The following NUMB variants were observed in gnomAD, a reference collection of about 807,000 sequenced individuals.
NUMB encodes the protein protein numb homolog.
NUMB carries 29 observed loss-of-function variants against 59.7 expected under a neutral mutation model. That is an observed-to-expected ratio of 0.49 (90% CI 0.36 to 0.66). The LOEUF (loss-of-function observed/expected upper bound fraction) is 0.66, where lower values mean the gene tolerates loss of function less well. NUMB is among the 30% of genes least tolerant of loss of function. NUMB has a pLI of 0.00. For synonymous variants in NUMB, 288 were observed against 288.2 expected, an observed-to-expected ratio of 1.00 and a Z score of 0.01; for missense variants, 723 against 822.0, an observed-to-expected ratio of 0.88 and a Z score of 1.47.
At chr14:73,345,676 C>T (rs1486051852) in intron 4 of NUMB, among the ~76,000 whole-genome samples, 1 of 151,696 alleles carries the variant, frequency 6.6e-6, no homozygotes, top group East Asian at 1.9e-4. Flanking sequence ...TTTGGGAGGC[C>T]GAGGGTGGAT....
intron 6 of NUMB, among the ~76,000 whole-genome samples, chr14:73,308,834 G>C (rs1890606851): frequency 6.6e-6 from 1 of 152,182 alleles, no homozygotes; most frequent in Non-Finnish European, 1.5e-5. Context: ...TGAGAGATGG[G>C]CTATGTGAAT....
At chr14:73,428,641 A>G (rs1412681377) in intron 1 of NUMB, among the ~76,000 whole-genome samples, 3 of 152,122 alleles carry the variant, frequency 2.0e-5, no homozygotes, top group Non-Finnish European at 4.4e-5. Context: ...AAAATTAAAA[A>G]TTAGCCAGGT....
intron 2 of NUMB, among the ~76,000 whole-genome samples, chr14:73,380,912 G>A (rs897429934): frequency 3.3e-5 from 5 of 151,964 alleles, no homozygotes; most frequent in East Asian, 1.9e-4. Context: ...TAGTAGAGAC[G>A]TGGTTTCACC....
chr14:73,435,879 C>T (rs1398781539), intron 1 of NUMB, among the ~76,000 whole-genome samples: 1 of 151,598 alleles, frequency 6.6e-6, no homozygotes, highest in Non-Finnish European at 1.5e-5. Context: ...TGGTAGTGCA[C>T]GCCTATAATC....
At chr14:73,414,780 C>G (rs1483327345) in intron 1 of NUMB, among the ~76,000 whole-genome samples, 1 of 152,030 alleles carries the variant, frequency 6.6e-6, no homozygotes, top group Non-Finnish European at 1.5e-5. Context: ...AGTGCAGTAG[C>G]GTGATCTCAG....
intron 1 of NUMB, among the ~76,000 whole-genome samples, chr14:73,429,251 A>G (rs149984187): frequency 0.051 from 7,800 of 152,196 alleles, 639 homozygotes; most frequent in African/African-American, 0.18. Context: ...GAGCACCTGA[A>G]GTCCCAGCTA....
chr14:73,412,257 G>A (rs940348668), intron 1 of NUMB, among the ~76,000 whole-genome samples: 3 of 152,030 alleles, frequency 2.0e-5, no homozygotes, highest in Non-Finnish European at 4.4e-5. Context: ...TTTGCCAAAA[G>A]CTCTTCTAAG....
intron 1 of NUMB, among the ~76,000 whole-genome samples, chr14:73,415,671 T>A (rs1280722531): frequency 6.6e-6 from 1 of 152,012 alleles, no homozygotes; most frequent in Non-Finnish European, 1.5e-5. Context: ...TTCACTATGT[T>A]GGCCAGGCTG....
chr14:73,292,880 A>C lies in NUMB; in HGVS notation c.310-6T>G. ...GTCTGGTCAACTATGAGGTCCTAGA[A>C]AATACGACACACAAAGAAAGAGAAG... On this transcript the variant is annotated splice_region_variant and splice_polypyrimidine_tract_variant and intron_variant, in intron 7 of 12. Transcript: ENST00000555238. The C allele has an allele frequency of 6.2e-7, 1 of 1,613,856 alleles. No individual in the cohort carries two copies.
chr14:73,399,685 C>T (rs1896316417), intron 2 of NUMB, among the ~76,000 whole-genome samples: 1 of 152,132 alleles, frequency 6.6e-6, no homozygotes, highest in African/African-American at 2.4e-5. Context: ...GGAGTTTGAG[C>T]TTACAGTGAA....
intron 6 of NUMB, among the ~76,000 whole-genome samples, chr14:73,313,680 A>AAAAAAAAAAAAAAAAAAAAAC: frequency 1.3e-5 from 2 of 151,038 alleles, no homozygotes; most frequent in African/African-American, 4.9e-5. Flanking sequence ...AAAAAAAAAA[A>AAAAAAAAAAAAAAAAAAAAAC]AAAAATCCAA....
chr14:73,434,011 T>C (rs1220882913), intron 1 of NUMB, among the ~76,000 whole-genome samples: 4 of 151,938 alleles, frequency 2.6e-5, no homozygotes, highest in South Asian at 2.1e-4. Context: ...GAGAATCGCT[T>C]AGAACCTGGG....
At chr14:73,304,824 G>T (rs554008175) in intron 6 of NUMB, among the ~76,000 whole-genome samples, 1 of 151,980 alleles carries the variant, frequency 6.6e-6, no homozygotes, top group Admixed American at 6.6e-5. Flanking sequence ...GCGGTGGTGC[G>T]ATCTCGGCTC....
In NUMB at chr14:73,381,600, T is replaced by C. The variant is rs1225468613; in HGVS notation, c.-100-14619A>G. 2.0e-5 allele frequency among the ~76,000 whole-genome samples: 3 copies of C among 152,170 alleles called. No homozygotes were observed. The East Asian group carries it at 5.8e-4, about 29-fold the overall frequency. On this transcript the variant is annotated intron_variant, in intron 2 of 12. Transcript: ENST00000555238. ...GTAGCTGTCCTTGACCATCCCCCAC[T>C]CTAACTAAGCCAGCTACCACTATAA... is the stretch of plus-strand genomic sequence containing the variant.
chr14:73,415,766 C>T (rs978610929), intron 1 of NUMB, among the ~76,000 whole-genome samples: 1 of 152,140 alleles, frequency 6.6e-6, no homozygotes, highest in Non-Finnish European at 1.5e-5. Context: ...CACGTCCGGC[C>T]TCTTGTAACT....
intron 1 of NUMB, among the ~76,000 whole-genome samples, chr14:73,416,414 G>T (rs1479559294): frequency 1.3e-5 from 2 of 150,962 alleles, no homozygotes; most frequent in Non-Finnish European, 2.9e-5. Flanking sequence ...TTCACTACTA[G>T]CAGGGCTTTA....
chr14:73,458,054 C>G (rs78042854), intron 1 of NUMB: 4,819 of 152,304 alleles, frequency 0.032, 108 homozygotes, highest in Non-Finnish European at 0.049. Flanking sequence ...TTCCTTTTCT[C>G]CCTGGCACCC....
rs763713877 is a variant in NUMB, at chr14:73,284,080, C to G, written c.949+1G>C. On this transcript the variant is annotated splice_donor_variant, in intron 10 of 12. Coordinates refer to ENST00000555238, the MANE Select transcript of NUMB (RefSeq NM_001005743.2). LOFTEE classifies it high-confidence loss of function. The stretch of plus-strand genomic sequence containing the variant: ...AGTGAGTCAGGTAGATGCTACATTA[C>G]CTGCATTTTTAATGGGGAAATCAGT... 2 of 1,613,666 alleles carry G rather than the reference C, an allele frequency of 1.2e-6. No homozygotes were observed. Among genetic ancestry groups the G allele is most frequent in the Non-Finnish European group, 1.7e-6 (2 of 1,179,650 alleles).
intron 4 of NUMB, among the ~76,000 whole-genome samples, chr14:73,332,398 C>T (rs528498820): frequency 1.3e-5 from 2 of 152,080 alleles, no homozygotes; most frequent in African/African-American, 2.4e-5. Flanking sequence ...GGATTACAGG[C>T]GTACGCCACC....
Sources: allele counts gnomAD v4.1 joint callset (sites outside exome capture counted in the v4.1 genomes callset), GRCh38; gene constraint gnomAD v4.1.1; transcripts MANE v1.5; gene names NCBI Gene and HGNC (gene_info 2026-07-23, HGNC 2026-07-21).